The following PLCB4 variants were observed in gnomAD, a reference collection of about 807,000 sequenced individuals.
PLCB4 encodes the protein 1-phosphatidylinositol 4,5-bisphosphate phosphodiesterase beta-4.
A neutral mutation model predicts 178.8 loss-of-function variants in PLCB4; 77 were observed. The observed-to-expected ratio is 0.43, with a 90% CI of 0.36 to 0.52. The LOEUF is 0.52. PLCB4 is among the 20% of genes least tolerant of loss of function. The probability of loss-of-function intolerance (pLI) is 0.00; values close to 1 mark genes in which losing one functional copy is unlikely to be tolerated. For missense variants in PLCB4, 1,024 were observed against 1,453.4 expected (o/e 0.70, Z 4.80); for synonymous variants, 496 against 490.8 (o/e 1.01, Z -0.14).
chr20:9,434,024 A>T (rs1347218303), intron 28 of PLCB4, among the ~76,000 whole-genome samples: 1 of 152,234 alleles, frequency 6.6e-6, no homozygotes, highest in Non-Finnish European at 1.5e-5. Context: ...GTTCAAAGAC[A>T]TTCACTACAA....
chr20:9,381,347 T>C (rs1283668631), intron 13 of PLCB4, among the ~76,000 whole-genome samples: 1 of 152,146 alleles, frequency 6.6e-6, no homozygotes, highest in Non-Finnish European at 1.5e-5. Flanking sequence ...GTGGTGGGGC[T>C]CATGCAGTAA....
intron 14 of PLCB4, among the ~76,000 whole-genome samples, chr20:9,385,865 G>A (rs1296199314): frequency 6.6e-6 from 1 of 152,230 alleles, no homozygotes; most frequent in Admixed American, 6.5e-5. Flanking sequence ...CGGCCGGGCA[G>A]AGGCTGTAAT....
intron 8 of PLCB4, among the ~76,000 whole-genome samples, chr20:9,363,471 AT>A (rs1303567612): frequency 1.3e-5 from 2 of 152,102 alleles, no homozygotes; most frequent in African/African-American, 4.8e-5. Flanking sequence ...TTACCTCTGA[AT>A]TTTTTTCTGT....
At chr20:9,140,554 G>T (rs1469786467) in intron 2 of PLCB4, among the ~76,000 whole-genome samples, 1 of 151,858 alleles carries the variant, frequency 6.6e-6, no homozygotes, top group Non-Finnish European at 1.5e-5. Context: ...GGGGCCTGGT[G>T]GGAGGTATTT....
At chr20:9,326,601 G>T (rs1010473259) in intron 4 of PLCB4, among the ~76,000 whole-genome samples, 14 of 152,214 alleles carry the variant, frequency 9.2e-5, no homozygotes, top group Middle Eastern at 3.4e-3. Context: ...TCAGGGAGGT[G>T]CAGGGCAGAG....
rs184445172 is a variant in PLCB4, at chr20:9,095,913, G to A, written c.-134-374G>A. ...CTGGAAAAGCAGAAACAAGAGTGGAGTTTTATATATTTCCTTCTTTGTTTA... is the reference window on the plus strand; with the variant it reads ...CTGGAAAAGCAGAAACAAGAGTGGAATTTTATATATTTCCTTCTTTGTTTA... On this transcript the variant is annotated intron_variant, in intron 1 of 39. Coordinates refer to ENST00000378473, the MANE Select transcript of PLCB4 (RefSeq NM_001377142.1). Among the ~76,000 whole-genome samples, 462 of 152,198 alleles carry A rather than the reference G, an allele frequency of 3.0e-3. 2 individuals carry two copies. Among genetic ancestry groups the A allele is most frequent in the Middle Eastern group, 0.017 (5 of 294 alleles).
At chr20:9,408,965 T>A (rs540535147) in intron 23 of PLCB4, 92 bp from the exon 24 acceptor site, 7 of 1,134,518 alleles carry the variant, frequency 6.2e-6, no homozygotes, top group Non-Finnish European at 9.0e-6. Context: ...TGTTTGTCAT[T>A]GTTGGCCTAG....
chr20:9,398,721 A>T (rs2038799644), intron 19 of PLCB4, among the ~76,000 whole-genome samples: 1 of 151,448 alleles, frequency 6.6e-6, no homozygotes, highest in Admixed American at 6.6e-5. Flanking sequence ...TATTTTTGAG[A>T]TGGAGTCTTG....
At chr20:9,116,148 CGTGT>C (rs913318688) in intron 2 of PLCB4, among the ~76,000 whole-genome samples, 1 of 150,490 alleles carries the variant, frequency 6.6e-6, no homozygotes, top group Non-Finnish European at 1.5e-5. Flanking sequence ...TGTGTGTGCG[CGTGT>C]GTGTGTGTGT....
At chr20:9,079,827 A>C (rs960473034) in intron 1 of PLCB4, among the ~76,000 whole-genome samples, 34 of 92,234 alleles carry the variant, frequency 3.7e-4, no homozygotes, top group African/African-American at 1.3e-3. Context: ...GTAACATTAA[A>C]AAAATTTTTT....
At chr20:9,246,996 A>G (rs184273314) in intron 3 of PLCB4, among the ~76,000 whole-genome samples, 3 of 152,318 alleles carry the variant, frequency 2.0e-5, no homozygotes, top group Admixed American at 6.5e-5. Flanking sequence ...TTATATTAAT[A>G]CATAAAATAA....
At chr20:9,377,185 C>T (rs1176532145) in intron 12 of PLCB4, among the ~76,000 whole-genome samples, 3 of 152,182 alleles carry the variant, frequency 2.0e-5, no homozygotes, top group Non-Finnish European at 4.4e-5. Flanking sequence ...CTGGAGTTCT[C>T]TTCATCTCCT....
intron 21 of PLCB4, 107 bp from the exon 22 acceptor site, chr20:9,407,810 T>C (rs77137692): frequency 0.027 from 25,513 of 931,064 alleles, 1,330 homozygotes; most frequent in East Asian, 0.21. Context: ...AGCCTTTACC[T>C]TTCAATTTGT....
At chr20:9,103,909 A>G (rs1053211898) in intron 2 of PLCB4, among the ~76,000 whole-genome samples, 2 of 152,088 alleles carry the variant, frequency 1.3e-5, no homozygotes, top group Admixed American at 6.6e-5. Context: ...CATTTCCCCC[A>G]TTCTCACAGC....
intron 2 of PLCB4, among the ~76,000 whole-genome samples, chr20:9,103,118 G>A (rs535004079): frequency 4.7e-5 from 7 of 149,804 alleles, no homozygotes; most frequent in Admixed American, 2.7e-4. Flanking sequence ...TCCACCTCCC[G>A]GGTTCATGCC....
At chr20:9,268,303 G>T (rs1252520668) in intron 3 of PLCB4, among the ~76,000 whole-genome samples, 1 of 152,004 alleles carries the variant, frequency 6.6e-6, no homozygotes, top group Non-Finnish European at 1.5e-5. Context: ...ATCATACTTG[G>T]TTTCTTTCTG....
chr20:9,077,638 A>AGAGAG, intron 1 of PLCB4, among the ~76,000 whole-genome samples: 1 of 152,350 alleles, frequency 6.6e-6, no homozygotes, highest in East Asian at 1.9e-4. Context: ...TTGTAGAATC[A>AGAGAG]GAGAGTTGAA....
chr20:9,399,558 G>A (rs1981646428), intron 19 of PLCB4, among the ~76,000 whole-genome samples: 1 of 152,230 alleles, frequency 6.6e-6, no homozygotes, highest in Non-Finnish European at 1.5e-5. Flanking sequence ...CAGGTGCCCA[G>A]GCATTAGGCT....
At chr20:9,424,101 G>A (rs1250338048) in intron 28 of PLCB4, 149 bp downstream of exon 28, 7 of 612,606 alleles carry the variant, frequency 1.1e-5, no homozygotes, top group Admixed American at 5.7e-5. Context: ...AATACATCAA[G>A]AATACATCAT....
Sources: allele counts gnomAD v4.1 joint callset (sites outside exome capture counted in the v4.1 genomes callset), GRCh38; gene constraint gnomAD v4.1.1; transcripts MANE v1.5; gene names NCBI Gene and HGNC (gene_info 2026-07-23, HGNC 2026-07-21).